The following SEMA6D variants were observed in gnomAD, a reference collection of about 807,000 sequenced individuals.
SEMA6D encodes the protein semaphorin 6D.
In SEMA6D, 35 loss-of-function variants were observed where a neutral mutation model predicts 106.6. The ratio of observed to expected loss-of-function variants is 0.33; its 90% CI spans 0.25 to 0.44. The LOEUF (loss-of-function observed/expected upper bound fraction) is 0.44, where lower values mean the gene tolerates loss of function less well. SEMA6D is among the 20% of genes least tolerant of loss of function. The pLI, the probability that SEMA6D is intolerant of heterozygous loss-of-function variation, is 1.00. For missense variants in SEMA6D, 1,185 were observed against 1,345.9 expected, an observed-to-expected ratio of 0.88 and a Z score of 1.87; for synonymous variants, 499 against 487.7, an observed-to-expected ratio of 1.02 and a Z score of -0.31.
At position 47,774,153 on chromosome 15, in the gene SEMA6D, G is replaced by C. The variant is rs1299239491; in HGVS notation, c.*2368G>C. 1 of 152,584 alleles carries C rather than the reference G, an allele frequency of 6.6e-6. No homozygotes were observed. Among genetic ancestry groups the C allele is most frequent in the Non-Finnish European group, 1.5e-5 (1 of 68,034 alleles). The allele number at this position is 152,584 out of a possible 1,614,324, so 9.5% of individuals were successfully genotyped here. The stretch of plus-strand genomic sequence containing the variant: ...TACCTTGTAAACTTGTATTGTGGAT[G>C]TGTAAATAATATGTACTTTGGGTTT... On this transcript the variant is annotated 3_prime_UTR_variant, in exon 19 of 19. Transcript: ENST00000536845.
intron 4 of SEMA6D, among the ~76,000 whole-genome samples, chr15:47,681,853 G>T (rs1302414759): frequency 6.6e-6 from 1 of 152,160 alleles, no homozygotes; most frequent in Admixed American, 6.5e-5. Context: ...TCCATCTGAA[G>T]AAGAGATCAT....
At chr15:47,749,168 G>A (rs1366784698) in intron 1 of SEMA6D, among the ~76,000 whole-genome samples, 4 of 144,876 alleles carry the variant, frequency 2.8e-5, no homozygotes, top group South Asian at 2.2e-4. Context: ...TGCAACCTCC[G>A]CCTCCTAGGT....
At chr15:47,546,966 GA>G (rs2045542872) in intron 3 of SEMA6D, among the ~76,000 whole-genome samples, 1 of 152,060 alleles carries the variant, frequency 6.6e-6, no homozygotes. Context: ...CTAGCAGACA[GA>G]AATAGTCTGT....
intron 1 of SEMA6D, among the ~76,000 whole-genome samples, chr15:47,278,271 C>T (rs1484157885): frequency 9.2e-5 from 14 of 152,224 alleles, no homozygotes; most frequent in Middle Eastern, 3.4e-3. Context: ...CTCTCCAGCA[C>T]CTGTTGTTTC....
At chr15:47,634,765 C>T (rs1019660676) in intron 4 of SEMA6D, among the ~76,000 whole-genome samples, 2 of 146,804 alleles carry the variant, frequency 1.4e-5, no homozygotes, top group South Asian at 2.3e-4. Flanking sequence ...GATCAGTTTC[C>T]GTGTCCATGG....
Position 47,605,759 on chromosome 15 carries a change from A to G in SEMA6D, c.-55+4863A>G, listed in dbSNP as rs185172498. Among the ~76,000 whole-genome samples the G allele has an allele frequency of 4.5e-3, 686 of 152,340 alleles. 4 individuals carry two copies. The highest frequency in any genetic ancestry group is 6.7e-3 in the Non-Finnish European group (453 of 68,022). On this transcript the variant is annotated intron_variant, in intron 4 of 19. Transcript: ENST00000558014. ...AGGAACAGCCAAATGGAAGAGATTC[A>G]TAGAAGGTATGGGGGTTGGAGGCTT...
At chr15:47,622,443 G>A (rs1196586964) in intron 4 of SEMA6D, among the ~76,000 whole-genome samples, 1 of 152,140 alleles carries the variant, frequency 6.6e-6, no homozygotes, top group African/African-American at 2.4e-5. Flanking sequence ...AAGCATCACA[G>A]AAGCCACTGT....
chr15:47,250,678 A>G (rs1484282903), intron 1 of SEMA6D, among the ~76,000 whole-genome samples: 3 of 152,362 alleles, frequency 2.0e-5, no homozygotes, highest in African/African-American at 7.2e-5. Flanking sequence ...TGAAAGGAGT[A>G]AACAGTTTCT....
intron 1 of SEMA6D, among the ~76,000 whole-genome samples, chr15:47,378,739 T>C (rs796818075): frequency 1.5e-4 from 23 of 152,312 alleles, no homozygotes; most frequent in African/African-American, 5.5e-4. Context: ...ATCTGTGAAA[T>C]GGGATTACTT....
chr15:47,628,361 C>A (rs1214849689), intron 4 of SEMA6D, among the ~76,000 whole-genome samples: 1 of 151,944 alleles, frequency 6.6e-6, no homozygotes, highest in Non-Finnish European at 1.5e-5. Flanking sequence ...AATAGCTATA[C>A]CATTTTCTAT....
At chr15:47,521,738 C>T (rs2044585925) in intron 3 of SEMA6D, among the ~76,000 whole-genome samples, 1 of 152,166 alleles carries the variant, frequency 6.6e-6, no homozygotes, top group African/African-American at 2.4e-5. Context: ...GTAATCCCAG[C>T]ACTTTGGGAG....
intron 3 of SEMA6D, among the ~76,000 whole-genome samples, chr15:47,552,530 A>G (rs1179537465): frequency 1.7e-4 from 7 of 40,370 alleles, no homozygotes; most frequent in Non-Finnish European, 4.4e-4. Context: ...ATGTATACAC[A>G]CACACACACA....
chr15:47,760,563 G>A, intron 3 of SEMA6D, 148 bp downstream of exon 3: 1 of 636,314 alleles, frequency 1.6e-6, no homozygotes, highest in South Asian at 2.1e-5. Context: ...AGTCAGTGTT[G>A]TGTACCGGGA....
intron 1 of SEMA6D, among the ~76,000 whole-genome samples, chr15:47,282,131 G>A (rs1407314082): frequency 6.6e-6 from 1 of 152,068 alleles, no homozygotes; most frequent in East Asian, 1.9e-4. Flanking sequence ...GCATATACAT[G>A]TATAGGTACT....
intron 1 of SEMA6D, among the ~76,000 whole-genome samples, chr15:47,258,573 G>T (rs1351828380): frequency 6.6e-6 from 1 of 152,046 alleles, no homozygotes; most frequent in Non-Finnish European, 1.5e-5. Flanking sequence ...AGATCTCCTG[G>T]ATCTCAGTAC....
chr15:47,244,975 C>T (rs1214900555), intron 1 of SEMA6D, among the ~76,000 whole-genome samples: 2 of 151,578 alleles, frequency 1.3e-5, no homozygotes, highest in African/African-American at 2.4e-5. Context: ...TGCAATAATT[C>T]GCTTAGGATA....
intron 2 of SEMA6D, among the ~76,000 whole-genome samples, chr15:47,443,846 A>G (rs988506157): frequency 2.0e-5 from 3 of 151,716 alleles, no homozygotes; most frequent in Admixed American, 1.3e-4. Flanking sequence ...AATTATGGCC[A>G]CCTACCGTGG....
chr15:47,506,877 A>G (rs2044059523), intron 3 of SEMA6D, among the ~76,000 whole-genome samples: 1 of 152,186 alleles, frequency 6.6e-6, no homozygotes, highest in South Asian at 2.1e-4. Context: ...AGCGACTGCA[A>G]CAACAATAGC....
intron 1 of SEMA6D, among the ~76,000 whole-genome samples, chr15:47,277,598 TTATTATTATTA>T (rs2034881450): frequency 3.6e-4 from 2 of 5,560 alleles, no homozygotes; most frequent in African/African-American, 4.7e-4. Context: ...ATTATTATTA[TTATTATTATTA>T]TTATTTATTA....
Sources: gnomAD v4.1 joint callset for allele counts (sites outside exome capture counted in the v4.1 genomes callset) on GRCh38, gnomAD v4.1.1 for gene constraint, MANE v1.5 for transcripts, NCBI Gene and HGNC (gene_info 2026-07-23, HGNC 2026-07-21) for gene names.